ATE1: variants seen among roughly 807,000 people sequenced by gnomAD.
The protein encoded by ATE1 is arginyl-tRNA--protein transferase 1.
In ATE1, 36 loss-of-function variants were observed where a neutral mutation model predicts 70.5. That is an observed-to-expected ratio of 0.51 (90% CI 0.39 to 0.67). The LOEUF (loss-of-function observed/expected upper bound fraction) is 0.67, where lower values mean the gene tolerates loss of function less well. Among genes scored for constraint, ATE1 ranks in the 30% least tolerant of loss-of-function variants. The pLI is 0.00. For synonymous variants in ATE1, 232 were observed against 219.3 expected (o/e 1.06, Z -0.51); for missense variants, 593 against 629.5 (o/e 0.94, Z 0.62).
At chr10:121,784,656 G>A (rs1198519241) in intron 11 of ATE1, among the ~76,000 whole-genome samples, 2 of 152,164 alleles carry the variant, frequency 1.3e-5, no homozygotes, top group South Asian at 2.1e-4. Context: ...TCAGGAGTTC[G>A]AGAACCAGCC....
chr10:121,927,374 C>T (rs1952137758), intron 1 of ATE1: 3 of 984,230 alleles, frequency 3.0e-6, no homozygotes, highest in African/African-American at 1.8e-5. Context: ...ATGCAAAGGG[C>T]TCATCCTTCC....
chr10:121,901,188 AC>A (rs1392418097), intron 6 of ATE1, among the ~76,000 whole-genome samples: 1 of 151,648 alleles, frequency 6.6e-6, no homozygotes, highest in Non-Finnish European at 1.5e-5. Context: ...AATCGCTTGA[AC>A]CCAGGAGGCA....
At chr10:121,837,839 C>A (rs1310970958) in intron 9 of ATE1, among the ~76,000 whole-genome samples, 1 of 152,130 alleles carries the variant, frequency 6.6e-6, no homozygotes, top group Non-Finnish European at 1.5e-5. Flanking sequence ...TGCACTGACA[C>A]AAGCAAGCGT....
chr10:121,743,434 G>T lies in ATE1; in HGVS notation c.*246C>A. ...ATTTGAGCGTATCTTGCTCTAGAAAGAATCCTCCAAAATGATAAATCCCAA... is the reference window on the plus strand; with the variant it reads ...ATTTGAGCGTATCTTGCTCTAGAAATAATCCTCCAAAATGATAAATCCCAA... On this transcript the variant is annotated 3_prime_UTR_variant, in exon 12 of 12. Transcript: ENST00000224652. The T allele has an allele frequency of 3.2e-6, 2 of 634,580 alleles. No homozygotes were observed. The highest frequency in any genetic ancestry group is 4.3e-6 in the Non-Finnish European group (2 of 461,086). 39.3% of individuals were successfully genotyped at this position (634,580 alleles called of 1,614,324 possible). A position where few individuals can be genotyped will look rare whatever the true frequency, so the allele number is the denominator to read the frequency against.
At chr10:121,829,709 A>C (rs944153375) in intron 10 of ATE1, among the ~76,000 whole-genome samples, 6 of 150,580 alleles carry the variant, frequency 4.0e-5, no homozygotes, top group African/African-American at 1.5e-4. Context: ...ACTCTGTCTC[A>C]AAAAAAAAGA....
chr10:121,923,471 G>C (rs1037574200), intron 2 of ATE1, among the ~76,000 whole-genome samples: 2 of 152,070 alleles, frequency 1.3e-5, no homozygotes, highest in Non-Finnish European at 2.9e-5. Flanking sequence ...CTGGGCAACA[G>C]AGCGAGACCA....
At chr10:121,908,665 C>T (rs953967438) in intron 5 of ATE1, among the ~76,000 whole-genome samples, 7 of 152,142 alleles carry the variant, frequency 4.6e-5, no homozygotes, top group Non-Finnish European at 1.0e-4. Context: ...ACTATTAGCA[C>T]TAACAAAAAG....
intron 11 of ATE1, among the ~76,000 whole-genome samples, chr10:121,755,658 G>A (rs1178967882): frequency 1.3e-5 from 2 of 152,198 alleles, no homozygotes; most frequent in Non-Finnish European, 2.9e-5. Flanking sequence ...AAGGCAAGGA[G>A]GAGCAAAGTC....
intron 9 of ATE1, 101 bp downstream of exon 9, chr10:121,840,981 T>G: frequency 9.2e-7 from 1 of 1,085,102 alleles, no homozygotes; most frequent in Non-Finnish European, 1.2e-6. Context: ...TAATACACTG[T>G]CAATTAGGAC....
chr10:121,877,209 T>C (rs1204127939), intron 7 of ATE1, among the ~76,000 whole-genome samples: 1 of 152,128 alleles, frequency 6.6e-6, no homozygotes, highest in African/African-American at 2.4e-5. Context: ...TATATGTTAA[T>C]TGCATTAAAT....
chr10:121,830,842 G>A (rs1435677358), intron 10 of ATE1, among the ~76,000 whole-genome samples: 7 of 151,916 alleles, frequency 4.6e-5, no homozygotes, highest in South Asian at 2.1e-4. Flanking sequence ...TCAGATTTTC[G>A]GAATTCCCCC....
At chr10:121,886,446 T>TC (rs1043886848) in intron 7 of ATE1, among the ~76,000 whole-genome samples, 1 of 152,118 alleles carries the variant, frequency 6.6e-6, no homozygotes, top group African/African-American at 2.4e-5. Context: ...GTATACATGG[T>TC]CCCAGTGTGA....
rs1945548233 is a variant in ATE1 at position 121,772,208 on chromosome 10, T to C, written c.1378+17961A>G. ...GTGGTTTGTGGCGATGATCTTCATTTCATGTTCTTCAGAGACAAGCTACAG... is the reference window on the plus strand; with the variant it reads ...GTGGTTTGTGGCGATGATCTTCATTCCATGTTCTTCAGAGACAAGCTACAG... On this transcript the variant is annotated intron_variant, in intron 11 of 11. Transcript: ENST00000224652. 3.3e-5 allele frequency among the ~76,000 whole-genome samples: 5 copies of C among 152,376 alleles called. 1 individual carries two copies. The South Asian group carries it at 1.0e-3, about 32-fold the overall frequency.
In ATE1 at chr10:121,863,252, CTT is replaced by C. The variant is rs1162295975; in HGVS notation, c.975+6752_975+6753del. On this transcript the variant is annotated intron_variant, in intron 8 of 11. Coordinates refer to ENST00000224652, the MANE Select transcript of ATE1 (RefSeq NM_001001976.3). ...TCTTCCAACTTTGCCCTGAAGTCTA[CTT>C]TTTTTTTTTTTTTTTTTTTGAGACA... is the stretch of plus-strand genomic sequence containing the variant. 5.9e-3 allele frequency among the ~76,000 whole-genome samples: 754 copies of C among 127,296 alleles called. 3 individuals carry two copies. Among genetic ancestry groups the C allele is most frequent in the African/African-American group, 0.022 (720 of 32,422 alleles). The allele number at this position is 127,296 out of a possible 152,430, so 83.5% of individuals were successfully genotyped here. A position where few individuals can be genotyped will look rare whatever the true frequency, so the allele number is the denominator to read the frequency against.
chr10:121,912,050 C>T (rs1951459540), intron 4 of ATE1, among the ~76,000 whole-genome samples: 1 of 151,458 alleles, frequency 6.6e-6, no homozygotes, highest in Admixed American at 6.6e-5. Flanking sequence ...CCGGCCAAGC[C>T]CGGCTAATTT....
chr10:121,925,838 T>A (rs1391297030), intron 1 of ATE1, among the ~76,000 whole-genome samples: 3 of 150,642 alleles, frequency 2.0e-5, no homozygotes, highest in Non-Finnish European at 2.9e-5. Context: ...CAGTAAGCTA[T>A]GAACACACCA....
intron 5 of ATE1, among the ~76,000 whole-genome samples, chr10:121,906,091 T>A (rs908869996): frequency 6.6e-6 from 1 of 152,140 alleles, no homozygotes; most frequent in Non-Finnish European, 1.5e-5. Context: ...TAATATTTTT[T>A]AAATTAAAAT....
At chr10:121,817,399 C>A (rs1044708483) in intron 10 of ATE1, among the ~76,000 whole-genome samples, 1 of 152,084 alleles carries the variant, frequency 6.6e-6, no homozygotes, top group African/African-American at 2.4e-5. Flanking sequence ...ATTAGCCGGG[C>A]GCAGTGGCGG....
chr10:121,899,008 C>G (rs1347341015), intron 7 of ATE1: 1 of 1,605,932 alleles, frequency 6.2e-7, no homozygotes. Context: ...GCTATTGAAA[C>G]ATCTCTGATG....
Sources: allele counts gnomAD v4.1 joint callset (sites outside exome capture counted in the v4.1 genomes callset), GRCh38; gene constraint gnomAD v4.1.1; transcripts MANE v1.5; gene names NCBI Gene and HGNC (gene_info 2026-07-23, HGNC 2026-07-21).